The following MTERF4 variants were observed in gnomAD, a reference collection of about 807,000 sequenced individuals.
MTERF4 encodes the protein transcription termination factor 4, mitochondrial.
Under a neutral mutation model 22.5 loss-of-function variants are expected in MTERF4, and 17 were observed. That is an observed-to-expected ratio of 0.75 (90% CI 0.52 to 1.13). MTERF4 has a LOEUF of 1.13. Ranked by LOEUF, MTERF4 falls within the 50% of genes most tolerant of loss-of-function variation. MTERF4 has a pLI of 0.00. For synonymous variants in MTERF4, 165 were observed against 175.3 expected, an observed-to-expected ratio of 0.94 and a Z score of 0.47; for missense variants, 420 against 466.8, an observed-to-expected ratio of 0.90 and a Z score of 0.92.
chr2:241,086,138 A>G (rs1353286696), downstream of MTERF4, among the ~76,000 whole-genome samples: 1 of 152,132 alleles, frequency 6.6e-6, no homozygotes, highest in African/African-American at 2.4e-5. Flanking sequence ...AAGTGCTGGT[A>G]TTACAGGAGT....
At chr2:241,069,816 C>T, downstream of MTERF4, 4 of 1,348,034 alleles carry the variant, frequency 3.0e-6, no homozygotes, top group South Asian at 5.4e-5. This position sits in a 1 kb window ranked among gnomAD's most constrained non-coding sequence, Gnocchi z 4.9. Flanking sequence ...AAGAATCTGG[C>T]TTCCAGCAAG....
chr2:241,091,090 C>T (rs953548934), downstream of MTERF4, among the ~76,000 whole-genome samples: 2 of 152,210 alleles, frequency 1.3e-5, no homozygotes, highest in East Asian at 3.9e-4. This position sits in a 1 kb window ranked among gnomAD's most constrained non-coding sequence, Gnocchi z 4.1. Flanking sequence ...CTAGCACATC[C>T]ACTCCCATAA....
At chr2:241,052,345 A>G in the MTERF4 span, 407 of 1,566,622 alleles carry the variant, frequency 2.6e-4, 3 homozygotes, top group African/African-American at 4.7e-3. Context: ...ACCTTCCTGC[A>G]TTCTGGCAGC....
At chr2:241,064,940 G>A in the MTERF4 span, 1 of 1,585,080 alleles carries the variant, frequency 6.3e-7, no homozygotes, top group South Asian at 1.2e-5. The surrounding 1 kb of genome is among the most constrained non-coding windows in gnomAD (Gnocchi z 7.0). Flanking sequence ...GGCTACACGG[G>A]CGAGGACTGC....
chr2:241,090,352 C>A (rs1028168162), downstream of MTERF4: 3 of 1,550,288 alleles, frequency 1.9e-6, no homozygotes, highest in Non-Finnish European at 2.6e-6. Context: ...GAGCTGCCAC[C>A]TCCTGTGACA....
At chr2:241,054,011 G>A in the MTERF4 span, among the ~76,000 whole-genome samples, 1 of 152,306 alleles carries the variant, frequency 6.6e-6, no homozygotes, top group East Asian at 1.9e-4. Flanking sequence ...ATTTGAGTGG[G>A]GCACATAAGC....
downstream of MTERF4, among the ~76,000 whole-genome samples, chr2:241,085,854 C>A (rs903685180): frequency 2.5e-4 from 33 of 134,106 alleles, no homozygotes; most frequent in South Asian, 2.7e-3. Context: ...GGCCTTTCTG[C>A]GGTTTCTTTT....
At chr2:241,094,267 A>G (rs892410917), downstream of MTERF4, 1 of 468,770 alleles carries the variant, frequency 2.1e-6, no homozygotes, top group Admixed American at 2.4e-5. The surrounding 1 kb of genome is among the most constrained non-coding windows in gnomAD (Gnocchi z 4.3). Flanking sequence ...CCACTCAGGT[A>G]TCAGCTCACC....
chr2:241,072,468 C>G (rs926749460), exon 5 of MTERF4: 6 of 349,186 alleles, frequency 1.7e-5, no homozygotes, highest in African/African-American at 1.3e-4. Context: ...CCAGAGGGGA[C>G]CTCTCTGGCC....
Position 241,096,937 on chromosome 2 carries a change from G to A in MTERF4, c.705+306C>T. 1 of 589,614 alleles carries A rather than the reference G, an allele frequency of 1.7e-6. No homozygotes were observed. Among genetic ancestry groups the A allele is most frequent in the Non-Finnish European group, 3.0e-6 (1 of 335,006 alleles). The allele number at this position is 589,614 out of a possible 1,614,324, so 36.5% of individuals were successfully genotyped here. On this transcript the variant is annotated intron_variant, in intron 3 of 3. Transcript: ENST00000391980. This position sits in a 1 kb window ranked among gnomAD's most constrained non-coding sequence, Gnocchi z 5.1. ...GTCCCCACTTAGACTCTAAGAATAG[G>A]ACTGGATCATTCATTATTAATGGCA...
chr2:241,080,120 A>C (rs922051770), intron 4 of MTERF4, among the ~76,000 whole-genome samples: 23 of 152,112 alleles, frequency 1.5e-4, no homozygotes, highest in Non-Finnish European at 2.6e-4. Context: ...CCCCGTCTCT[A>C]CTAAAATACA....
downstream of MTERF4, chr2:241,087,249 TAGG>T (rs2063632315): frequency 1.5e-6 from 1 of 645,976 alleles, no homozygotes; most frequent in Admixed American, 3.1e-5. Context: ...AATACATCAA[TAGG>T]AGGTCACGTT....
At chr2:241,078,393 AAAAAAG>A (rs922764201) in intron 4 of MTERF4, among the ~76,000 whole-genome samples, 3 of 151,482 alleles carry the variant, frequency 2.0e-5, no homozygotes, top group Non-Finnish European at 2.9e-5. Flanking sequence ...AAAAAAAAAA[AAAAAAG>A]AAAGAAAGAA....
the MTERF4 span, among the ~76,000 whole-genome samples, chr2:241,059,352 G>A: frequency 6.6e-6 from 1 of 152,178 alleles, no homozygotes; most frequent in African/African-American, 2.4e-5. Flanking sequence ...CTTTTAGAAA[G>A]AGCTACATAT....
intron 4 of MTERF4, among the ~76,000 whole-genome samples, chr2:241,079,933 C>G (rs113222490): frequency 6.6e-6 from 1 of 152,040 alleles, no homozygotes; most frequent in East Asian, 1.9e-4. Flanking sequence ...TAATTGTTAA[C>G]GCCACCAAGA....
chr2:241,048,507 T>C, the MTERF4 span: 4 of 1,533,782 alleles, frequency 2.6e-6, no homozygotes, highest in East Asian at 4.6e-5. Context: ...GGCCTTCCTG[T>C]GGGTGCATGC....
intron 2 of MTERF4, 113 bp from the exon 3 acceptor site, chr2:241,097,540 T>C: frequency 1.0e-6 from 1 of 991,990 alleles, no homozygotes. Context: ...GATCCTCTCC[T>C]TCCACAGAGC....
downstream of MTERF4, chr2:241,094,614 A>G: frequency 2.8e-6 from 1 of 352,326 alleles, no homozygotes; most frequent in Admixed American, 3.8e-5. This position sits in a 1 kb window ranked among gnomAD's most constrained non-coding sequence, Gnocchi z 4.3. Flanking sequence ...AGTTGTCACG[A>G]GTGAACAGTC....
At chr2:241,058,055 T>C in the MTERF4 span, among the ~76,000 whole-genome samples, 3 of 152,270 alleles carry the variant, frequency 2.0e-5, no homozygotes, top group South Asian at 6.2e-4. Context: ...CTAGCACTCT[T>C]AGACATTCCT....
Sources: gnomAD v4.1 joint callset for allele counts (sites outside exome capture counted in the v4.1 genomes callset) on GRCh38, gnomAD v4.1.1 for gene constraint, Gnocchi (gnomAD v3.1) non-coding constraint, MANE v1.5 for transcripts, NCBI Gene and HGNC (gene_info 2026-07-23, HGNC 2026-07-21) for gene names.